PPP6R3: variants seen among roughly 807,000 people sequenced by gnomAD.
PPP6R3 encodes the protein serine/threonine-protein phosphatase 6 regulatory subunit 3.
In PPP6R3, 38 loss-of-function variants were observed where a neutral mutation model predicts 110.7. The ratio of observed to expected loss-of-function variants is 0.34; its 90% CI spans 0.26 to 0.45. The LOEUF is 0.45. Ranked by LOEUF, PPP6R3 falls within the 20% of genes least tolerant of loss-of-function variation. The probability of loss-of-function intolerance (pLI) is 1.00; values close to 1 mark genes in which losing one functional copy is unlikely to be tolerated. For missense variants in PPP6R3, 870 were observed against 1,062.4 expected (o/e 0.82, Z 2.52); for synonymous variants, 369 against 373.5 (o/e 0.99, Z 0.14).
In PPP6R3 at chr11:68,582,515, G is replaced by T. The variant is rs535116005; in HGVS notation, c.1546-528G>T. Among the ~76,000 whole-genome samples, 97 of 152,196 alleles carry T rather than the reference G, an allele frequency of 6.4e-4. 1 individual carries two copies. Among genetic ancestry groups the T allele is most frequent in the Non-Finnish European group, 1.1e-3 (78 of 68,036 alleles). The stretch of plus-strand genomic sequence containing the variant: ...GGTCTTTTGTGAGTGGGAAGCTGTC[G>T]ACTCAAGTCACATTTAGTACTACTA... On this transcript the variant is annotated intron_variant, in intron 14 of 23. Coordinates refer to ENST00000393800, the MANE Select transcript of PPP6R3 (RefSeq NM_001164161.2).
intron 1 of PPP6R3, among the ~76,000 whole-genome samples, chr11:68,510,196 A>G (rs906937426): frequency 6.7e-6 from 1 of 150,244 alleles, no homozygotes; most frequent in Non-Finnish European, 1.5e-5. Context: ...ATGAGCCCCT[A>G]CTACACCTGG....
Position 68,557,691 on chromosome 11 carries a change from G to A in PPP6R3, c.732-875G>A, listed in dbSNP as rs113110410. On this transcript the variant is annotated intron_variant, in intron 7 of 23. Transcript: ENST00000393800. ...GCACCACGAGGCCCGGCTAATTTTT[G>A]TGTTTTTTAGTAGAAATGGGGTTTC... is the stretch of plus-strand genomic sequence containing the variant. Among the ~76,000 whole-genome samples the A allele has an allele frequency of 9.0e-3, 1,369 of 152,150 alleles. 20 individuals are homozygous for A. The highest frequency in any genetic ancestry group is 0.032 in the African/African-American group (1,312 of 41,526).
Position 68,543,737 on chromosome 11 carries a change from T to C in PPP6R3, c.228-1101T>C, listed in dbSNP as rs185469117. 1.7e-3 allele frequency among the ~76,000 whole-genome samples: 255 copies of C among 152,350 alleles called. 2 individuals are homozygous for C. The highest frequency in any genetic ancestry group is 3.7e-3 in the East Asian group (19 of 5,188). ...TTGTTGGGGCGCTGGGTCCTGGCTG[T>C]CCAGCAGGGAGGAGTGTAAGAGCAG... On this transcript the variant is annotated intron_variant, in intron 3 of 23. Coordinates refer to ENST00000393800, the MANE Select transcript of PPP6R3 (RefSeq NM_001164161.2).
chr11:68,534,124 G>A (rs553776188), intron 2 of PPP6R3, among the ~76,000 whole-genome samples: 10 of 152,306 alleles, frequency 6.6e-5, no homozygotes, highest in South Asian at 6.2e-4. Context: ...ACACCTACAC[G>A]GTGAGTGCCC....
intron 14 of PPP6R3, among the ~76,000 whole-genome samples, chr11:68,578,879 A>G (rs2099542186): frequency 6.6e-6 from 1 of 152,256 alleles, no homozygotes; most frequent in Non-Finnish European, 1.5e-5. Flanking sequence ...AATTATATCC[A>G]AAGACCTCTG....
At chr11:68,522,429 A>G (rs1376315948) in intron 2 of PPP6R3, 1 of 152,262 alleles carries the variant, frequency 6.6e-6, no homozygotes, top group Non-Finnish European at 1.5e-5. Flanking sequence ...GACTTCAGCA[A>G]AGGCAGATTT....
rs938025406 is a variant in PPP6R3 at position 68,599,031 on chromosome 11, A to G, written c.2039-1310A>G. ...ATTATGAAATCAAACAGATGAAGTCAGATATCTTGGGGAAAGTCACAGTCA... is the reference window on the plus strand; with the variant it reads ...ATTATGAAATCAAACAGATGAAGTCGGATATCTTGGGGAAAGTCACAGTCA... On this transcript the variant is annotated intron_variant, in intron 19 of 23. Coordinates refer to ENST00000393800, the MANE Select transcript of PPP6R3 (RefSeq NM_001164161.2). Among the ~76,000 whole-genome samples the G allele has an allele frequency of 3.9e-5, 6 of 152,360 alleles. No individual in the cohort carries two copies. The East Asian group carries it at 9.6e-4, about 24-fold the overall frequency.
At chr11:68,563,001 C>T (rs944727811) in intron 8 of PPP6R3, among the ~76,000 whole-genome samples, 1 of 151,648 alleles carries the variant, frequency 6.6e-6, no homozygotes, top group African/African-American at 2.4e-5. Flanking sequence ...AAAAGACTTA[C>T]ATCCAGGTAT....
intron 19 of PPP6R3, among the ~76,000 whole-genome samples, chr11:68,596,866 T>C (rs1190051529): frequency 6.6e-6 from 1 of 152,196 alleles, no homozygotes; most frequent in African/African-American, 2.4e-5. Context: ...CTGCAAGGCC[T>C]TTTTTATGTT....
intron 1 of PPP6R3, among the ~76,000 whole-genome samples, chr11:68,480,823 T>A (rs2098903050): frequency 6.6e-6 from 1 of 152,220 alleles, no homozygotes; most frequent in South Asian, 2.1e-4. Flanking sequence ...ATATGATTTT[T>A]TCCCCCTCCT....
chr11:68,479,682 A>G (rs1453897106), intron 1 of PPP6R3, among the ~76,000 whole-genome samples: 1 of 151,632 alleles, frequency 6.6e-6, no homozygotes, highest in Non-Finnish European at 1.5e-5. Context: ...CTTCAATTTC[A>G]CTAAGAATTA....
intron 3 of PPP6R3, 27 bp downstream of exon 3, chr11:68,537,918 A>G: frequency 1.3e-6 from 2 of 1,530,908 alleles, no homozygotes; most frequent in Middle Eastern, 3.4e-4. Context: ...TTCTCTGTAG[A>G]GTGGGACTAA....
chr11:68,610,759 T>G (rs186402598), intron 23 of PPP6R3, among the ~76,000 whole-genome samples: 1 of 152,270 alleles, frequency 6.6e-6, no homozygotes, highest in African/African-American at 2.4e-5. Context: ...TCAACTTCTG[T>G]GAACAAATGT....
intron 1 of PPP6R3, among the ~76,000 whole-genome samples, chr11:68,488,246 A>G (rs60712815): frequency 5.9e-4 from 90 of 152,114 alleles, no homozygotes; most frequent in African/African-American, 2.1e-3. Flanking sequence ...TTTTTTAAAC[A>G]GGGACTTGCT....
Position 68,567,156 on chromosome 11 carries a change from G to A in PPP6R3, c.1118G>A (p.Gly373Glu). The A allele has an allele frequency of 6.5e-7, 1 of 1,542,322 alleles. No individual in the cohort carries two copies. The highest frequency in any genetic ancestry group is 8.7e-7 in the Non-Finnish European group (1 of 1,143,704). ...NGDLMELNSI[G>E]VILNMFFKYT... ...GACCTTATGGAGCTGAATAGCATTGGAGTCATATTGGTGAGATTTTCCCTG... is the reference window on the plus strand; with the variant it reads ...GACCTTATGGAGCTGAATAGCATTGAAGTCATATTGGTGAGATTTTCCCTG... The change falls in exon 10 of 24, where the codon GGA becomes GAA. Residue 373 changes from glycine (G) to glutamate (E), a missense_variant. Coordinates refer to ENST00000393800, the MANE Select transcript of PPP6R3 (RefSeq NM_001164161.2).
chr11:68,524,039 G>A (rs979466907), intron 2 of PPP6R3, among the ~76,000 whole-genome samples: 1 of 152,016 alleles, frequency 6.6e-6, no homozygotes, highest in Admixed American at 6.6e-5. Flanking sequence ...ATATCCAATG[G>A]ATTTTGAGAT....
At chr11:68,540,647 G>A (rs543401255) in intron 3 of PPP6R3, among the ~76,000 whole-genome samples, 1 of 152,262 alleles carries the variant, frequency 6.6e-6, no homozygotes, top group South Asian at 2.1e-4. Flanking sequence ...GGAGACTGGA[G>A]TCTGTCTCAC....
chr11:68,526,560 T>C (rs2099199368), intron 2 of PPP6R3, among the ~76,000 whole-genome samples: 1 of 152,198 alleles, frequency 6.6e-6, no homozygotes, highest in South Asian at 2.1e-4. Context: ...TTGGCTTTTA[T>C]CATACCATCT....
chr11:68,615,289 G>A lies in PPP6R3; in HGVS notation c.*2172G>A, dbSNP rs572335407. The A allele has an allele frequency of 1.2e-4, 41 of 352,646 alleles. No homozygotes were observed. Among genetic ancestry groups the A allele is most frequent in the Non-Finnish European group, 2.1e-4 (38 of 178,618 alleles). 21.8% of individuals were successfully genotyped at this position (352,646 alleles called of 1,614,324 possible). On this transcript the variant is annotated 3_prime_UTR_variant, in exon 24 of 24. Transcript: ENST00000393800. Reference sequence around the variant, plus strand: ...AACAGATGTCTACAATACAATACCTGTATTCAAAATAACAAAAATAAAGCC... The same window carrying A: ...AACAGATGTCTACAATACAATACCTATATTCAAAATAACAAAAATAAAGCC...
Sources: allele counts gnomAD v4.1 joint callset (sites outside exome capture counted in the v4.1 genomes callset), GRCh38; gene constraint gnomAD v4.1.1; transcripts MANE v1.5; gene names NCBI Gene and HGNC (gene_info 2026-07-23, HGNC 2026-07-21).